The following SORCS3 variants were observed in gnomAD, a reference collection of about 807,000 sequenced individuals.
SORCS3 encodes the protein sortilin related VPS10 domain containing receptor 3, also known as VPS10 domain-containing receptor SorCS3.
A neutral mutation model predicts 146.3 loss-of-function variants in SORCS3; 57 were observed. That is an observed-to-expected ratio of 0.39 (90% CI 0.31 to 0.49). SORCS3 has a LOEUF of 0.49. Ranked by LOEUF, SORCS3 falls within the 20% of genes least tolerant of loss-of-function variation. The probability of loss-of-function intolerance (pLI) is 0.92; values close to 1 mark genes in which losing one functional copy is unlikely to be tolerated. For synonymous variants in SORCS3, 653 were observed against 618.5 expected (o/e 1.06, Z -0.83); for missense variants, 1,341 against 1,575.5 (o/e 0.85, Z 2.52).
chr10:105,258,524 A>T (rs903687605), intron 25 of SORCS3, among the ~76,000 whole-genome samples: 1 of 152,236 alleles, frequency 6.6e-6, no homozygotes, highest in African/African-American at 2.4e-5. Flanking sequence ...GTTGCTGAGG[A>T]CAAGGGCCAA....
At chr10:104,651,332 AATG>A (rs2015555722) in intron 1 of SORCS3, among the ~76,000 whole-genome samples, 1 of 152,140 alleles carries the variant, frequency 6.6e-6, no homozygotes, top group South Asian at 2.1e-4. Flanking sequence ...CTGGCTGTAA[AATG>A]ATGATAATAC....
At chr10:104,823,939 A>G (rs1351496341) in intron 1 of SORCS3, among the ~76,000 whole-genome samples, 6 of 152,208 alleles carry the variant, frequency 3.9e-5, no homozygotes, top group Non-Finnish European at 8.8e-5. Context: ...GAGTGATGCC[A>G]TATGAGAAAG....
rs534072647 is a variant in SORCS3, at chr10:104,952,757, C to T, written c.796-24578C>T. Among the ~76,000 whole-genome samples the T allele has an allele frequency of 3.3e-5, 5 of 152,272 alleles. No homozygotes were observed. In the South Asian group the frequency reaches 6.2e-4, roughly 19 times the overall value. On this transcript the variant is annotated intron_variant, in intron 3 of 26. Transcript: ENST00000369701. ...TGTTTTTGTTTCCCTTTGATGTCAC[C>T]TTAAGCTAGGCACAACAGCAAGGGA...
intron 7 of SORCS3, among the ~76,000 whole-genome samples, chr10:105,130,202 T>C (rs1305659328): frequency 6.6e-6 from 1 of 152,156 alleles, no homozygotes; most frequent in Non-Finnish European, 1.5e-5. Flanking sequence ...TTAAATTACT[T>C]GTACAAGGTC....
chr10:104,693,343 A>G (rs2016136505), intron 1 of SORCS3, among the ~76,000 whole-genome samples: 1 of 152,202 alleles, frequency 6.6e-6, no homozygotes, highest in African/African-American at 2.4e-5. Context: ...AAGCCACACC[A>G]TGGGAGCTGT....
intron 3 of SORCS3, among the ~76,000 whole-genome samples, chr10:104,924,885 C>T (rs777484305): frequency 3.3e-5 from 5 of 152,154 alleles, no homozygotes; most frequent in Non-Finnish European, 5.9e-5. Flanking sequence ...CATGCCTGGC[C>T]AGCAAAATGC....
At chr10:105,261,172 A>G (rs920163695) in intron 25 of SORCS3, among the ~76,000 whole-genome samples, 1 of 152,200 alleles carries the variant, frequency 6.6e-6, no homozygotes, top group Non-Finnish European at 1.5e-5. Flanking sequence ...TGCCTATTAC[A>G]TCACCCTAAA....
At chr10:105,086,121 C>T (rs2055658828) in intron 5 of SORCS3, among the ~76,000 whole-genome samples, 1 of 152,090 alleles carries the variant, frequency 6.6e-6, no homozygotes, top group African/African-American at 2.4e-5. Flanking sequence ...TAAGAGAAAT[C>T]TTGAGGATGT....
chr10:105,215,670 G>C (rs181908746), intron 18 of SORCS3, among the ~76,000 whole-genome samples: 1 of 152,204 alleles, frequency 6.6e-6, no homozygotes, highest in East Asian at 1.9e-4. Context: ...ATTGCCTCCA[G>C]TTCATTTCCA....
chr10:105,224,096 T>G (rs2056720077), intron 20 of SORCS3, among the ~76,000 whole-genome samples: 1 of 152,230 alleles, frequency 6.6e-6, no homozygotes, highest in African/African-American at 2.4e-5. Flanking sequence ...TCATTATCAC[T>G]CAAAGTCCAT....
intron 1 of SORCS3, among the ~76,000 whole-genome samples, chr10:104,748,021 TAA>T (rs911570200): frequency 2.6e-5 from 4 of 152,248 alleles, no homozygotes; most frequent in Non-Finnish European, 4.4e-5. Flanking sequence ...TTAATGCGTG[TAA>T]ATGCCCTTAG....
chr10:105,205,565 A>C (rs543507011), intron 16 of SORCS3, among the ~76,000 whole-genome samples: 1 of 152,264 alleles, frequency 6.6e-6, no homozygotes, highest in African/African-American at 2.4e-5. Context: ...CAGTCAGAAA[A>C]GGTGCAAGAG....
intron 7 of SORCS3, among the ~76,000 whole-genome samples, chr10:105,110,317 TA>T (rs1173230179): frequency 6.6e-6 from 1 of 152,130 alleles, no homozygotes; most frequent in Non-Finnish European, 1.5e-5. Context: ...CAGGTTATTT[TA>T]AATTATAGCA....
At position 105,219,703 on chromosome 10, in the gene SORCS3, C is replaced by T. The variant is rs117264443; in HGVS notation, c.2734+2581C>T. On this transcript the variant is annotated intron_variant, in intron 19 of 26. Transcript: ENST00000369701. ...CTAAGTACTTCCTATTAACTTTGTA[C>T]CTGACATTTTTGCTGCATTTAAAAA... Among the ~76,000 whole-genome samples, 131 of 152,258 alleles carry T rather than the reference C, an allele frequency of 8.6e-4. 1 individual carries two copies. The East Asian group carries it at 0.02, about 23-fold the overall frequency.
chr10:104,743,284 A>G (rs2016871263), intron 1 of SORCS3, among the ~76,000 whole-genome samples: 1 of 152,190 alleles, frequency 6.6e-6, no homozygotes. Context: ...GACCTAGAGG[A>G]CTATCTCTGC....
At chr10:105,168,525 G>A (rs1469366878) in intron 13 of SORCS3, among the ~76,000 whole-genome samples, 3 of 152,068 alleles carry the variant, frequency 2.0e-5, no homozygotes, top group Admixed American at 2.0e-4. Context: ...AGTACAGTTG[G>A]TCGGATTCAC....
intron 1 of SORCS3, among the ~76,000 whole-genome samples, chr10:104,826,119 C>T (rs150677993): frequency 6.0e-4 from 91 of 152,204 alleles, no homozygotes; most frequent in Middle Eastern, 3.4e-3. Flanking sequence ...CTTGCATGAG[C>T]GGGACAGTTT....
At chr10:104,981,824 T>G (rs2054933243) in intron 4 of SORCS3, among the ~76,000 whole-genome samples, 1 of 151,884 alleles carries the variant, frequency 6.6e-6, no homozygotes, top group Admixed American at 6.6e-5. Context: ...GCGTGAGAGG[T>G]AGGATTGCAA....
At chr10:105,171,754 C>A (rs955880225) in intron 13 of SORCS3, among the ~76,000 whole-genome samples, 2 of 152,094 alleles carry the variant, frequency 1.3e-5, no homozygotes, top group African/African-American at 2.4e-5. Context: ...TCTCAATGAC[C>A]ACTGTAGCTC....
Sources: gnomAD v4.1 joint callset for allele counts (sites outside exome capture counted in the v4.1 genomes callset) on GRCh38, gnomAD v4.1.1 for gene constraint, MANE v1.5 for transcripts, NCBI Gene and HGNC (gene_info 2026-07-23, HGNC 2026-07-21) for gene names.